Variants in PITPNC1 observed in about 807,000 individuals in gnomAD.
PITPNC1 encodes the protein cytoplasmic phosphatidylinositol transfer protein 1.
PITPNC1 carries 18 observed loss-of-function variants against 44.7 expected under a neutral mutation model. The observed-to-expected ratio is 0.40, with a 90% CI of 0.28 to 0.60. PITPNC1 has a LOEUF of 0.60. Among genes scored for constraint, PITPNC1 ranks in the 20% least tolerant of loss-of-function variants. PITPNC1 has a pLI of 0.39. For missense variants in PITPNC1, 290 were observed against 418.4 expected, an observed-to-expected ratio of 0.69 and a Z score of 2.68; for synonymous variants, 141 against 149.6, an observed-to-expected ratio of 0.94 and a Z score of 0.42.
chr17:67,437,637 A>T (rs539301417), intron 1 of PITPNC1, among the ~76,000 whole-genome samples: 1 of 152,274 alleles, frequency 6.6e-6, no homozygotes, highest in Admixed American at 6.5e-5. Context: ...CAGGCATGAG[A>T]GAGGCCTCAT....
chr17:67,417,991 C>T (rs1224416700), intron 1 of PITPNC1, among the ~76,000 whole-genome samples: 1 of 152,174 alleles, frequency 6.6e-6, no homozygotes, highest in East Asian at 1.9e-4. Context: ...CTGCAGTGGA[C>T]GTCCAGCCAC....
intron 1 of PITPNC1, among the ~76,000 whole-genome samples, chr17:67,464,418 T>G (rs1341801207): frequency 2.6e-5 from 4 of 152,158 alleles, no homozygotes; most frequent in African/African-American, 9.7e-5. Context: ...CATCTATATT[T>G]CAATGAATTT....
chr17:67,675,237 C>T (rs1024202072), intron 7 of PITPNC1, among the ~76,000 whole-genome samples: 1 of 151,482 alleles, frequency 6.6e-6, no homozygotes, highest in Non-Finnish European at 1.5e-5. Flanking sequence ...TACACACACC[C>T]AGCCCTACTC....
intron 5 of PITPNC1, chr17:67,611,805 C>G (rs962783085): frequency 9.9e-5 from 15 of 152,170 alleles, no homozygotes; most frequent in African/African-American, 3.4e-4. Flanking sequence ...TCACAATGAG[C>G]CTGTTGCCTT....
intron 1 of PITPNC1, among the ~76,000 whole-genome samples, chr17:67,495,089 C>G (rs1270780854): frequency 1.1e-5 from 1 of 91,278 alleles, no homozygotes; most frequent in Non-Finnish European, 2.0e-5. Flanking sequence ...CGGAGTCTGG[C>G]TCTGTCGCCC....
chr17:67,577,685 A>G (rs1254120363), intron 4 of PITPNC1, among the ~76,000 whole-genome samples: 2 of 151,756 alleles, frequency 1.3e-5, no homozygotes, highest in East Asian at 3.8e-4. Context: ...AAATAAATTT[A>G]TGTTTTAAAA....
At chr17:67,386,990 A>G (rs549283628) in intron 1 of PITPNC1, among the ~76,000 whole-genome samples, 31 of 152,388 alleles carry the variant, frequency 2.0e-4, no homozygotes, top group Middle Eastern at 3.4e-3. Context: ...TGAGGCGCAA[A>G]TATATTACAA....
chr17:67,549,390 G>A (rs2040727493), intron 2 of PITPNC1, among the ~76,000 whole-genome samples: 2 of 152,102 alleles, frequency 1.3e-5, no homozygotes, highest in Non-Finnish European at 2.9e-5. Context: ...AGGAAGAAGA[G>A]TTCCATAAAA....
intron 1 of PITPNC1, among the ~76,000 whole-genome samples, chr17:67,428,099 A>G (rs1044912520): frequency 3.3e-5 from 5 of 152,190 alleles, no homozygotes; most frequent in African/African-American, 9.7e-5. Flanking sequence ...GGCTCAAGCA[A>G]TCCTCCTGCC....
At chr17:67,466,188 ATGGTGGGG>A (rs1272004493) in intron 1 of PITPNC1, among the ~76,000 whole-genome samples, 1 of 6,364 alleles carries the variant, frequency 1.6e-4, no homozygotes, top group Non-Finnish European at 2.9e-4. Context: ...TTCTGTAGAG[ATGGTGGGG>A]TGGGGGGGTG....
At chr17:67,492,292 T>C (rs890131006) in intron 1 of PITPNC1, among the ~76,000 whole-genome samples, 1 of 152,074 alleles carries the variant, frequency 6.6e-6, no homozygotes, top group African/African-American at 2.4e-5. Flanking sequence ...TCATTCTGGA[T>C]TACCTAAGTG....
chr17:67,431,586 CTAAGAA>C, intron 1 of PITPNC1, among the ~76,000 whole-genome samples: 1 of 152,262 alleles, frequency 6.6e-6, no homozygotes, highest in Non-Finnish European at 1.5e-5. Flanking sequence ...GAGTGGAATA[CTAAGAA>C]TAAGAAAGGG....
rs982961410 is a variant in PITPNC1, at chr17:67,535,670, C to A, written c.197+2720C>A. ...AGTAAGGAAAAAGATTAATGGGGAC[C>A]CTCCACCACTTCCCATGACAAACAC... is the stretch of plus-strand genomic sequence containing the variant. On this transcript the variant is annotated intron_variant, in intron 2 of 8. Transcript: ENST00000581322. 2.0e-5 allele frequency among the ~76,000 whole-genome samples: 3 copies of A among 151,864 alleles called. 1 individual carries two copies. The South Asian group carries it at 6.3e-4, about 32-fold the overall frequency.
intron 1 of PITPNC1, among the ~76,000 whole-genome samples, chr17:67,479,345 A>G (rs1163348778): frequency 1.3e-5 from 2 of 152,238 alleles, no homozygotes; most frequent in African/African-American, 2.4e-5. Flanking sequence ...AGGAACAGGC[A>G]GTCAGGCCAT....
At chr17:67,466,053 T>C (rs9905013) in intron 1 of PITPNC1, among the ~76,000 whole-genome samples, 31,425 of 151,544 alleles carry the variant, frequency 0.21, 3,770 homozygotes, top group Middle Eastern at 0.3. Context: ...CAGGCTAGAG[T>C]GCAGTGGTGC....
intron 6 of PITPNC1, among the ~76,000 whole-genome samples, chr17:67,635,802 A>G (rs1187591686): frequency 1.3e-5 from 2 of 152,190 alleles, no homozygotes; most frequent in Non-Finnish European, 2.9e-5. Context: ...TGCTGCCAAG[A>G]GATCGAGTAG....
rs955347863 is a variant in PITPNC1 at position 67,500,032 on chromosome 17, T to G, written c.49-32770T>G. Among the ~76,000 whole-genome samples the G allele has an allele frequency of 2.6e-5, 4 of 152,264 alleles. No individual in the cohort carries two copies. In the South Asian group the frequency reaches 6.2e-4, roughly 24 times the overall value. ...TTTTAGAATTATCCATCTTCTCCCC[T>G]TGAATATATAAGTAGGCTGCAGAGG... On this transcript the variant is annotated intron_variant, in intron 1 of 8. Coordinates refer to ENST00000581322, the MANE Select transcript of PITPNC1 (RefSeq NM_012417.4).
intron 2 of PITPNC1, among the ~76,000 whole-genome samples, chr17:67,544,352 C>T (rs905585007): frequency 1.1e-4 from 16 of 150,486 alleles, no homozygotes; most frequent in African/African-American, 2.9e-4. Context: ...CTTTTCACTT[C>T]GTCGCTAGCA....
At chr17:67,496,982 C>T (rs1316921427) in intron 1 of PITPNC1, among the ~76,000 whole-genome samples, 3 of 151,280 alleles carry the variant, frequency 2.0e-5, no homozygotes. Context: ...GTGAGAAAAC[C>T]AGGCATGGTG....
Sources: allele counts gnomAD v4.1 joint callset (sites outside exome capture counted in the v4.1 genomes callset), GRCh38; gene constraint gnomAD v4.1.1; transcripts MANE v1.5; gene names NCBI Gene and HGNC (gene_info 2026-07-23, HGNC 2026-07-21).